The following COL6A1 variants were observed in gnomAD, a reference collection of about 807,000 sequenced individuals.
The protein encoded by COL6A1 is collagen type VI alpha 1 chain.
COL6A1 carries 80 observed loss-of-function variants against 145.6 expected under a neutral mutation model. The ratio of observed to expected loss-of-function variants is 0.55; its 90% CI spans 0.46 to 0.66. COL6A1 has a LOEUF of 0.66. COL6A1 is among the 30% of genes least tolerant of loss of function. The pLI, the probability that COL6A1 is intolerant of heterozygous loss-of-function variation, is 0.00. For synonymous variants in COL6A1, 638 were observed against 622.8 expected, an observed-to-expected ratio of 1.02 and a Z score of -0.36; for missense variants, 1,364 against 1,473.8, an observed-to-expected ratio of 0.93 and a Z score of 1.22.
At chr21:45,990,332 T>G in intron 12 of COL6A1, 46 bp from the exon 13 acceptor site, 1 of 1,612,542 alleles carries the variant, frequency 6.2e-7, no homozygotes, top group Non-Finnish European at 8.5e-7. Flanking sequence ...CACGGCAGCA[T>G]GTCTGACCTG....
intron 34 of COL6A1, 102 bp downstream of exon 34, chr21:46,003,251 A>C: frequency 1.9e-6 from 3 of 1,606,198 alleles, no homozygotes. Context: ...GGCGGTCACG[A>C]GAGTAGGTGC....
rs1603592224 is a variant in COL6A1, at chr21:45,994,052, A to AGGCCGGAACAGCCCAGT, written c.1336-113_1336-97dup. 2 of 1,058,282 alleles carry AGGCCGGAACAGCCCAGT rather than the reference A, an allele frequency of 1.9e-6. No individual in the cohort carries two copies. Among genetic ancestry groups the AGGCCGGAACAGCCCAGT allele is most frequent in the African/African-American group, 3.2e-5 (2 of 63,486 alleles). The allele number at this position is 1,058,282 out of a possible 1,614,324, so 65.6% of individuals were successfully genotyped here. A position where few individuals can be genotyped will look rare whatever the true frequency, so the allele number is the denominator to read the frequency against. On this transcript the variant is annotated intron_variant, in intron 19 of 34. Coordinates refer to ENST00000361866, the MANE Select transcript of COL6A1 (RefSeq NM_001848.3). This position sits in a 1 kb window ranked among gnomAD's most constrained non-coding sequence, Gnocchi z 6.8. ...CAGGAAGGGGCTGTGCGGGGAGGGA[A>AGGCCGGAACAGCCCAGT]GGCCGGAACAGCCCAGTGACCACCT... is the stretch of plus-strand genomic sequence containing the variant.
Position 45,982,755 on chromosome 21 carries a change from G to A in COL6A1, c.219G>A (p.Leu73=), listed in dbSNP as rs1396136777. The part of the protein sequence containing the change: ...KSFTKRFIDN[L]RDRYYRCDRN... ...TCACCAAGCGCTTCATCGACAACCT[G>A]AGGGACAGGTAGGAGGGACGCCCCG... Residue 73 remains leucine (L), a synonymous_variant, in exon 2 of 35, where the codon CTG becomes CTA. Transcript: ENST00000361866. 6.2e-7 allele frequency: 1 copy of A among 1,612,480 alleles called. No individual in the cohort carries two copies. Among genetic ancestry groups the A allele is most frequent in the Non-Finnish European group, 8.5e-7 (1 of 1,179,934 alleles).
At chr21:45,997,112 T>C (rs558559633) in intron 20 of COL6A1, among the ~76,000 whole-genome samples, 2 of 145,050 alleles carry the variant, frequency 1.4e-5, no homozygotes, top group Non-Finnish European at 3.1e-5. Context: ...GGCTTCACCC[T>C]TCCGTGGGGG....
Position 45,981,786 on chromosome 21 carries a change from C to A in COL6A1, c.-65C>A. On this transcript the variant is annotated 5_prime_UTR_variant, in exon 1 of 35. Transcript: ENST00000361866. ...GCTGGGAGCAGAAGGCAGCCTCGGT[C>A]TCTGGGCGGCGGCGGCGGCCCACTC... 1 of 1,298,648 alleles carries A rather than the reference C, an allele frequency of 7.7e-7. No homozygotes were observed. The highest frequency in any genetic ancestry group is 1.3e-5 in the South Asian group (1 of 75,926). The allele number at this position is 1,298,648 out of a possible 1,614,324, so 80.4% of individuals were successfully genotyped here.
rs1449334151 is a variant in COL6A1, at chr21:46,000,326, C to A, written c.1777-5C>A. The A allele has an allele frequency of 6.2e-7, 1 of 1,613,938 alleles. No homozygotes were observed. The highest frequency in any genetic ancestry group is 2.2e-5 in the East Asian group (1 of 44,878). On this transcript the variant is annotated splice_polypyrimidine_tract_variant and splice_region_variant and intron_variant, in intron 27 of 34. Coordinates refer to ENST00000361866, the MANE Select transcript of COL6A1 (RefSeq NM_001848.3). ...GCCCCAGTACCCTCGTCTCTCCCTC[C>A]CCAGGAATGCGAGATTTTGGACATC... is the stretch of plus-strand genomic sequence containing the variant.
chr21:46,003,186 G>A (rs1340821913), intron 34 of COL6A1, 37 bp downstream of exon 34: 3 of 1,613,818 alleles, frequency 1.9e-6, no homozygotes, highest in Non-Finnish European at 2.5e-6. Context: ...TGGGGAGGAG[G>A]GCACCGTGGT....
chr21:46,002,467 G>C (rs528302683), intron 32 of COL6A1, 60 bp from the exon 33 acceptor site: 1 of 1,613,312 alleles, frequency 6.2e-7, no homozygotes. Flanking sequence ...GGGTGGCCTT[G>C]TCCCCAGAAA....
chr21:45,988,570 C>T (rs1017593217), intron 8 of COL6A1, among the ~76,000 whole-genome samples: 8 of 152,102 alleles, frequency 5.3e-5, no homozygotes, highest in Non-Finnish European at 8.8e-5. Flanking sequence ...TGTCTCTGTC[C>T]GCCCTGCCCT....
At position 45,984,440 on chromosome 21, in the gene COL6A1, C is replaced by G; in HGVS notation, c.399C>G (p.Ile133Met). Residue 133 changes from isoleucine to methionine, a missense_variant, in exon 3 of 35, where the codon ATC becomes ATG. Ile to Met is a conservative substitution (Grantham distance 10). Transcript: ENST00000361866. Reference protein sequence around the residue: ...FGKGTYTDCAIKKGLEQLLVG... With the variant: ...FGKGTYTDCAMKKGLEQLLVG... ...AGGGCACCTACACCGACTGCGCTATCAAGAAGGGGCTGGAGCAGCTCCTCG... is the reference window on the plus strand; with the variant it reads ...AGGGCACCTACACCGACTGCGCTATGAAGAAGGGGCTGGAGCAGCTCCTCG... 6.2e-7 allele frequency: 1 copy of G among 1,611,822 alleles called. No individual in the cohort carries two copies. Among genetic ancestry groups the G allele is most frequent in the Non-Finnish European group, 8.5e-7 (1 of 1,179,940 alleles).
Position 46,003,958 on chromosome 21 carries a change from C to T in COL6A1, c.3032C>T (p.Ala1011Val), listed in dbSNP as rs2077865673. 2 of 1,612,826 alleles carry T rather than the reference C, an allele frequency of 1.2e-6. No individual in the cohort carries two copies. Among genetic ancestry groups the T allele is most frequent in the Non-Finnish European group, 8.5e-7 (1 of 1,179,848 alleles). ...SHLFRVPSYQALLRGVFHQTV... is the reference protein window; with the variant it reads ...SHLFRVPSYQVLLRGVFHQTV... ...CTGTTCCGTGTCCCCAGCTACCAGG[C>T]CCTGCTCCGCGGTGTCTTCCACCAG... The change falls in exon 35 of 35, where the codon GCC (alanine) becomes GTC (valine). Residue 1011 changes from alanine to valine, a missense_variant. Transcript: ENST00000361866.
At chr21:45,987,764 GCGGGGGTC>G in intron 8 of COL6A1, 110 bp downstream of exon 8, 1 of 1,228,152 alleles carries the variant, frequency 8.1e-7, no homozygotes, top group Non-Finnish European at 1.1e-6. Flanking sequence ...AGAGGGGACG[GCGGGGGTC>G]CAGATGGAGG....
chr21:46,002,205 C>G lies in COL6A1; in HGVS notation c.2067-13C>G, dbSNP rs1446100653. 1.3e-6 allele frequency: 2 copies of G among 1,595,300 alleles called. No homozygotes were observed. Among genetic ancestry groups the G allele is most frequent in the Non-Finnish European group, 1.7e-6 (2 of 1,174,530 alleles). ...CTGGCCCCAACCGGCCCTTCCTGCC[C>G]TTTGCTATGCAGAGCCATCAAGAGC... On this transcript the variant is annotated splice_polypyrimidine_tract_variant and intron_variant, in intron 31 of 34. Transcript: ENST00000361866.
Position 46,000,009 on chromosome 21 carries a change from G to A in COL6A1, c.1776+317G>A, listed in dbSNP as rs1414855188. Among the ~76,000 whole-genome samples the A allele has an allele frequency of 1.1e-3, 20 of 18,916 alleles. 2 individuals are homozygous for A. Among genetic ancestry groups the A allele is most frequent in the African/African-American group, 3.0e-3 (14 of 4,638 alleles). 12.4% of individuals were successfully genotyped at this position (18,916 alleles called of 152,430 possible). On this transcript the variant is annotated intron_variant, in intron 27 of 34. Coordinates refer to ENST00000361866, the MANE Select transcript of COL6A1 (RefSeq NM_001848.3). ...GACATGTGAGGATCATGGGGGACCC[G>A]TGAGGATCATGGGGGACCCGTGTGA...
intron 29 of COL6A1, 146 bp downstream of exon 29, chr21:46,000,913 C>A: frequency 9.4e-7 from 1 of 1,058,944 alleles, no homozygotes; most frequent in Non-Finnish European, 1.5e-6. Context: ...CTGGGGCCTG[C>A]TCCAAGCCAG....
chr21:46,004,661 C>T lies in COL6A1; in HGVS notation c.*648C>T, dbSNP rs755204063. 42 of 444,884 alleles carry T rather than the reference C, an allele frequency of 9.4e-5. No homozygotes were observed. In the East Asian group the frequency reaches 1.4e-3, roughly 15 times the overall value. 27.6% of individuals were successfully genotyped at this position (444,884 alleles called of 1,614,324 possible). On this transcript the variant is annotated 3_prime_UTR_variant, in exon 35 of 35. Transcript: ENST00000361866. Reference sequence around the variant, plus strand: ...GACATAAATCTCGGCGACTCGGCCCCGTCTCCTGAGGGTCCTGCTGGTGAC... The same window carrying T: ...GACATAAATCTCGGCGACTCGGCCCTGTCTCCTGAGGGTCCTGCTGGTGAC...
intron 20 of COL6A1, among the ~76,000 whole-genome samples, chr21:45,995,609 C>T (rs142517814): frequency 1.3e-5 from 2 of 152,368 alleles, no homozygotes; most frequent in Non-Finnish European, 2.9e-5. Flanking sequence ...AAAACAAAGC[C>T]ACTTTCAAAG....
chr21:45,984,368 CCGCGA>C lies in COL6A1; in HGVS notation c.331_335del (p.Asp111ThrfsTer39). 6.2e-7 allele frequency: 1 copy of C among 1,612,672 alleles called. No homozygotes were observed. Among genetic ancestry groups the C allele is most frequent in the Non-Finnish European group, 8.5e-7 (1 of 1,179,898 alleles). On this transcript the variant is annotated frameshift_variant, in exon 3 of 35. Coordinates refer to ENST00000361866, the MANE Select transcript of COL6A1 (RefSeq NM_001848.3). LOFTEE classifies it high-confidence loss of function. ...AAGGCCTCACGCGCATGCCTGGCGG[CCGCGA>C]CGCACTCAAAAGCAGCGTGGACGCG...
rs148492687 is a variant in COL6A1, at chr21:45,992,036, G to A, written c.1146G>A (p.Ala382=). 39 of 1,605,550 alleles carry A rather than the reference G, an allele frequency of 2.4e-5. No individual in the cohort carries two copies. The highest frequency in any genetic ancestry group is 9.4e-5 in the African/African-American group (7 of 74,782). Residue 382 remains alanine (A), a synonymous_variant, in exon 16 of 35, where the codon GCG becomes GCA. Transcript: ENST00000361866. ...EKGEPGADGE[A]GRPGSSGPSG... ...GCGAGCCTGGAGCTGACGGGGAGGCGGGGAGACCAGGGAGCTCGGGACCAT... is the reference window on the plus strand; with the variant it reads ...GCGAGCCTGGAGCTGACGGGGAGGCAGGGAGACCAGGGAGCTCGGGACCAT...
Sources: gnomAD v4.1 joint callset for allele counts (sites outside exome capture counted in the v4.1 genomes callset) on GRCh38, gnomAD v4.1.1 for gene constraint, Gnocchi (gnomAD v3.1) non-coding constraint, MANE v1.5 for transcripts, NCBI Gene and HGNC (gene_info 2026-07-23, HGNC 2026-07-21) for gene names.